Variants in ENOX2 observed in about 807,000 individuals in gnomAD.
ENOX2 encodes APK1 antigen.
ENOX2 carries 36 observed loss-of-function variants against 45.0 expected under a neutral mutation model. That is an observed-to-expected ratio of 0.80 (90% CI 0.61 to 1.06). The LOEUF is 1.06. Ranked by LOEUF, ENOX2 falls within the 50% of genes least tolerant of loss-of-function variation. The probability of loss-of-function intolerance (pLI) is 0.00; values close to 1 mark genes in which losing one functional copy is unlikely to be tolerated. For synonymous variants in ENOX2, 174 were observed against 152.3 expected (o/e 1.14, Z -1.05); for missense variants, 423 against 462.5 (o/e 0.91, Z 0.78).
At chrX:130,638,128 G>T (rs930315321) in intron 10 of ENOX2, among the ~76,000 whole-genome samples, 48 of 106,573 alleles carry the variant, frequency 4.5e-4, no homozygotes, top group African/African-American at 1.7e-3. Context: ...GAGTGCAGTG[G>T]TAGGATCTTG....
intron 14 of ENOX2, among the ~76,000 whole-genome samples, chrX:130,627,082 A>T (rs1355270179): frequency 1.8e-5 from 2 of 111,612 alleles, no homozygotes; most frequent in African/African-American, 3.3e-5. Context: ...CATCCAGAGA[A>T]GGAAATGGAC....
chrX:130,649,214 C>T (rs1348976441), intron 10 of ENOX2, among the ~76,000 whole-genome samples: 1 of 108,967 alleles, frequency 9.2e-6, no homozygotes, highest in African/African-American at 3.4e-5. Flanking sequence ...CTTGAATTTT[C>T]CAGCCTTCGG....
chrX:130,637,103 T>C, intron 11 of ENOX2, 126 bp downstream of exon 11: 1 of 575,051 alleles, frequency 1.7e-6, no homozygotes, highest in Non-Finnish European at 3.0e-6. Context: ...TCCTCAGCCA[T>C]GCCAGATAAT....
chrX:130,878,376 C>T (rs985683365), intron 2 of ENOX2, among the ~76,000 whole-genome samples: 6 of 111,837 alleles, frequency 5.4e-5, no homozygotes, highest in African/African-American at 1.3e-4. Flanking sequence ...CCTCACAAAG[C>T]CCATGGGTAG....
At chrX:130,859,762 C>T (rs2078379706) in intron 2 of ENOX2, among the ~76,000 whole-genome samples, 2 of 111,748 alleles carry the variant, frequency 1.8e-5, no homozygotes, top group African/African-American at 6.5e-5. Context: ...AATTAAGACA[C>T]CATTGCAGTT....
rs146246965 is a variant in ENOX2, at chrX:130,899,309, T to C, written c.-183+2375A>G. 1.1e-3 allele frequency among the ~76,000 whole-genome samples: 122 copies of C among 112,315 alleles called. 3 individuals carry two copies. In the East Asian group the frequency reaches 0.031, roughly 28 times the overall value. On this transcript the variant is annotated intron_variant, in intron 2 of 14. Transcript: ENST00000394363. ...TGTGCTACCAAGGTCCCCAGTTATA[T>C]TCATGCAAATCTGTTTATCAATTCT... is the stretch of plus-strand genomic sequence containing the variant.
At chrX:130,859,803 G>T (rs1380453958) in intron 2 of ENOX2, among the ~76,000 whole-genome samples, 1 of 111,386 alleles carries the variant, frequency 9.0e-6, no homozygotes, top group African/African-American at 3.3e-5. Context: ...GCTTAACTAG[G>T]GATAAGGCAA....
chrX:130,894,319 C>T (rs1238630746), intron 2 of ENOX2, among the ~76,000 whole-genome samples: 3 of 104,354 alleles, frequency 2.9e-5, no homozygotes, highest in Admixed American at 2.1e-4. Context: ...CAAACCTGCA[C>T]GTTCTGCACA....
chrX:130,865,456 T>C (rs2078480159), intron 2 of ENOX2, among the ~76,000 whole-genome samples: 1 of 112,034 alleles, frequency 8.9e-6, no homozygotes, highest in African/African-American at 3.2e-5. Context: ...GATAAGCAAA[T>C]AGAGAGAATC....
chrX:130,737,157 G>A (rs2038878688), intron 3 of ENOX2, among the ~76,000 whole-genome samples: 1 of 112,047 alleles, frequency 8.9e-6, no homozygotes. Context: ...TCCAACAACA[G>A]CTTAATTTAG....
chrX:130,891,732 T>C (rs1378646143), intron 2 of ENOX2, among the ~76,000 whole-genome samples: 1 of 110,444 alleles, frequency 9.1e-6, no homozygotes, highest in Non-Finnish European at 1.9e-5. Context: ...TTGAATCCAT[T>C]ACTATAACAA....
chrX:130,747,174 G>T (rs149330228), intron 3 of ENOX2, among the ~76,000 whole-genome samples: 31 of 111,131 alleles, frequency 2.8e-4, no homozygotes, highest in African/African-American at 1.0e-3. Flanking sequence ...TGTGAATCAT[G>T]GTTTAAACAA....
At chrX:130,830,502 CCTGT>C (rs755946955) in intron 2 of ENOX2, among the ~76,000 whole-genome samples, 57 of 111,553 alleles carry the variant, frequency 5.1e-4, no homozygotes, top group African/African-American at 1.8e-3. Flanking sequence ...AATCTGCAAA[CCTGT>C]CTATGTCTCT....
intron 2 of ENOX2, among the ~76,000 whole-genome samples, chrX:130,856,065 C>T (rs189834163): frequency 8.9e-6 from 1 of 111,962 alleles, no homozygotes; most frequent in African/African-American, 3.2e-5. Flanking sequence ...ACAGTGACAC[C>T]ACCATATCCT....
chrX:130,627,346 C>T (rs1037335932), intron 14 of ENOX2, among the ~76,000 whole-genome samples: 15 of 111,697 alleles, frequency 1.3e-4, no homozygotes, highest in Admixed American at 3.8e-4. Flanking sequence ...TTTGGGAGGC[C>T]GAGGCAGGCG....
At chrX:130,811,493 G>C (rs2077388352) in intron 2 of ENOX2, among the ~76,000 whole-genome samples, 1 of 112,598 alleles carries the variant, frequency 8.9e-6, no homozygotes, top group African/African-American at 3.2e-5. Flanking sequence ...CCTGCTCAAA[G>C]ACTCCAAGAG....
At chrX:130,765,595 C>T (rs1382148383) in intron 3 of ENOX2, among the ~76,000 whole-genome samples, 7 of 111,139 alleles carry the variant, frequency 6.3e-5, no homozygotes, top group Non-Finnish European at 1.3e-4. Flanking sequence ...CATGACTATA[C>T]CACATTTTAT....
chrX:130,633,161 C>T (rs1051204188), intron 12 of ENOX2, among the ~76,000 whole-genome samples: 4 of 111,869 alleles, frequency 3.6e-5, no homozygotes, highest in Non-Finnish European at 5.6e-5. Flanking sequence ...TCTTTCCGCA[C>T]TAAGACAGAC....
chrX:130,644,196 G>A (rs1419816094), intron 10 of ENOX2, among the ~76,000 whole-genome samples: 2 of 112,286 alleles, frequency 1.8e-5, no homozygotes, highest in Admixed American at 9.4e-5. Context: ...CAGTACTTAC[G>A]TGGGCAATTT....
Sources: allele counts gnomAD v4.1 joint callset (sites outside exome capture counted in the v4.1 genomes callset), GRCh38; gene constraint gnomAD v4.1.1; transcripts MANE v1.5; gene names NCBI Gene and HGNC (gene_info 2026-07-23, HGNC 2026-07-21).